Variants in GALNT9 observed in about 807,000 individuals in gnomAD.
GALNT9 encodes the protein polypeptide N-acetylgalactosaminyltransferase 9.
Under a neutral mutation model 63.1 loss-of-function variants are expected in GALNT9, and 47 were observed. The observed-to-expected ratio is 0.75, with a 90% CI of 0.59 to 0.95. The LOEUF is 0.95. Among genes scored for constraint, GALNT9 ranks in the 40% least tolerant of loss-of-function variants. GALNT9 has a pLI of 0.00. For missense variants in GALNT9, 829 were observed against 874.8 expected (o/e 0.95, Z 0.66); for synonymous variants, 396 against 365.7 (o/e 1.08, Z -0.94).
At chr12:132,302,229 TACACACAC>T (rs56317485) in intron 1 of GALNT9, among the ~76,000 whole-genome samples, 3,146 of 143,812 alleles carry the variant, frequency 0.022, 37 homozygotes, top group Middle Eastern at 0.093. Flanking sequence ...TAGAAAATTC[TACACACAC>T]ACACACACAC....
At chr12:132,274,823 A>G (rs1228584382) in intron 2 of GALNT9, 1 of 152,804 alleles carries the variant, frequency 6.5e-6, no homozygotes, top group Admixed American at 6.5e-5. Context: ...TGCCACACAC[A>G]AGAACATACC....
At position 132,316,838 on chromosome 12, in the gene GALNT9, GGGT is replaced by G. The variant is rs1298108138; in HGVS notation, c.238+12125_238+12127del. Among the ~76,000 whole-genome samples the G allele has an allele frequency of 6.6e-6, 1 of 151,924 alleles. No individual in the cohort carries two copies. The highest frequency in any genetic ancestry group is 2.4e-5 in the African/African-American group (1 of 41,284). On this transcript the variant is annotated intron_variant, in intron 1 of 10. Coordinates refer to ENST00000328957, the MANE Select transcript of GALNT9 (RefSeq NM_001122636.2). This position sits in a 1 kb window ranked among gnomAD's most constrained non-coding sequence, Gnocchi z 4.3. ...AGGTTTGGCTGTCACACCTGGGGAG[GGGT>G]GGGGCAGCTACCAGCATCTAGTGGT... is the stretch of plus-strand genomic sequence containing the variant.
At chr12:132,260,033 G>GGC (rs1879313362) in intron 4 of GALNT9, among the ~76,000 whole-genome samples, 1 of 9,034 alleles carries the variant, frequency 1.1e-4, no homozygotes, top group Non-Finnish European at 3.8e-4. Context: ...CGCGGGGCCT[G>GGC]CCTGGGTGCA....
intron 1 of GALNT9, among the ~76,000 whole-genome samples, chr12:132,288,889 G>T (rs1405166905): frequency 1.4e-5 from 2 of 146,948 alleles, no homozygotes; most frequent in Non-Finnish European, 3.0e-5. Context: ...GCGTGGTTTC[G>T]GACGGCTGCC....
chr12:132,265,918 C>T lies in GALNT9; in HGVS notation c.420-3293G>A, dbSNP rs1315019774. 6.6e-6 allele frequency among the ~76,000 whole-genome samples: 1 copy of T among 152,238 alleles called. No homozygotes were observed. Among genetic ancestry groups the T allele is most frequent in the South Asian group, 2.1e-4 (1 of 4,834 alleles). ...TGTGTTGGAGCATGTAGGTACTGAG[C>T]ATGTGTGCCAACCACAGGCCTGTCT... is the stretch of plus-strand genomic sequence containing the variant. On this transcript the variant is annotated intron_variant, in intron 2 of 10. Coordinates refer to ENST00000328957, the MANE Select transcript of GALNT9 (RefSeq NM_001122636.2). The surrounding 1 kb of genome is among the most constrained non-coding windows in gnomAD (Gnocchi z 5.3).
intron 6 of GALNT9, among the ~76,000 whole-genome samples, chr12:132,208,258 C>CCT (rs1555234592): frequency 1.3e-5 from 2 of 152,076 alleles, no homozygotes; most frequent in Non-Finnish European, 2.9e-5. Flanking sequence ...CTTGGCCCCC[C>CCT]TCTCAGGGGC....
intron 6 of GALNT9, among the ~76,000 whole-genome samples, chr12:132,237,933 C>T (rs1436481961): frequency 6.6e-6 from 1 of 152,176 alleles, no homozygotes; most frequent in East Asian, 1.9e-4. Flanking sequence ...CCCCTGCTGC[C>T]CTCCAGCTTC....
intron 1 of GALNT9, among the ~76,000 whole-genome samples, chr12:132,287,030 A>C (rs1880618963): frequency 6.8e-6 from 1 of 146,046 alleles, no homozygotes. Flanking sequence ...AATTGTCCAA[A>C]CGCACAGCAG....
At chr12:132,221,006 G>GAGT (rs1295999628) in intron 6 of GALNT9, among the ~76,000 whole-genome samples, 1 of 145,176 alleles carries the variant, frequency 6.9e-6, no homozygotes, top group African/African-American at 2.6e-5. Context: ...GCAGTGAGCT[G>GAGT]AGTTCACACC....
chr12:132,304,607 CCTCACCCGGGCACAG>C, intron 1 of GALNT9, among the ~76,000 whole-genome samples: 1 of 36,910 alleles, frequency 2.7e-5, no homozygotes, highest in Non-Finnish European at 4.5e-5. Context: ...CCGGGCACAG[CCTCACCCGGGCACAG>C]CCTCACCGGG....
Position 132,327,593 on chromosome 12 carries a change from T to G in GALNT9, c.238+1373A>C, listed in dbSNP as rs1869091833. Among the ~76,000 whole-genome samples, 1 of 152,136 alleles carries G rather than the reference T, an allele frequency of 6.6e-6. No homozygotes were observed. The highest frequency in any genetic ancestry group is 2.4e-5 in the African/African-American group (1 of 41,424). On this transcript the variant is annotated intron_variant, in intron 1 of 10. Coordinates refer to ENST00000328957, the MANE Select transcript of GALNT9 (RefSeq NM_001122636.2). This position sits in a 1 kb window ranked among gnomAD's most constrained non-coding sequence, Gnocchi z 4.3. ...GCCGGGCACACCGCCTTCCGGGAGA[T>G]GAATTGCTCTGCCGGGCGGCTGGGC...
At chr12:132,287,214 C>T (rs183622486) in intron 1 of GALNT9, among the ~76,000 whole-genome samples, 1 of 152,290 alleles carries the variant, frequency 6.6e-6, no homozygotes, top group Non-Finnish European at 1.5e-5. Context: ...ATTGGCTCAT[C>T]GACAGTGACA....
At chr12:132,197,391 CA>C (rs1875590790) in intron 10 of GALNT9, 138 bp from the exon 11 acceptor site, 2 of 1,300,326 alleles carry the variant, frequency 1.5e-6, no homozygotes, top group Non-Finnish European at 2.1e-6. Flanking sequence ...AGCATCACAG[CA>C]GCACCCAGGG....
At chr12:132,281,248 G>A (rs998689153) in intron 2 of GALNT9, among the ~76,000 whole-genome samples, 5 of 152,338 alleles carry the variant, frequency 3.3e-5, no homozygotes, top group South Asian at 2.1e-4. Context: ...GCTGTTGCAC[G>A]TGAACAATTC....
In GALNT9 at chr12:132,238,860, C is replaced by A. The variant is rs1243794382; in HGVS notation, c.1077+9050G>T. 2.6e-5 allele frequency among the ~76,000 whole-genome samples: 4 copies of A among 152,198 alleles called. No individual in the cohort carries two copies. The highest frequency in any genetic ancestry group is 9.7e-5 in the African/African-American group (4 of 41,428). ...ACTGCATGAATTTTAACAGGAAACT[C>A]TTTATCACTGCCTTAGGAGAGGACC... On this transcript the variant is annotated intron_variant, in intron 6 of 10. Transcript: ENST00000328957. The surrounding 1 kb of genome is among the most constrained non-coding windows in gnomAD (Gnocchi z 6.5).
intron 6 of GALNT9, among the ~76,000 whole-genome samples, chr12:132,227,373 C>G (rs1308095066): frequency 2.0e-5 from 3 of 152,042 alleles, no homozygotes; most frequent in African/African-American, 7.2e-5. Flanking sequence ...CCCAGCTCCC[C>G]GACCCTGCTG....
At position 132,329,234 on chromosome 12, in the gene GALNT9, G is replaced by C. The variant is rs1555246782; in HGVS notation, c.-31C>G. ...CGGCTGCAGCGGGGGCCTCACCCGC[G>C]GGGCATCCCCAGCATCCCCGCCCGG... On this transcript the variant is annotated 5_prime_UTR_variant, in exon 1 of 11. Coordinates refer to ENST00000328957, the MANE Select transcript of GALNT9 (RefSeq NM_001122636.2). The C allele has an allele frequency of 6.5e-7, 1 of 1,529,106 alleles. No individual in the cohort carries two copies. 94.7% of individuals were successfully genotyped at this position (1,529,106 alleles called of 1,614,324 possible).
Position 132,312,292 on chromosome 12 carries a change from G to A in GALNT9, c.238+16674C>T, listed in dbSNP as rs201129032. Among the ~76,000 whole-genome samples, 3 of 152,250 alleles carry A rather than the reference G, an allele frequency of 2.0e-5. No homozygotes were observed. In the East Asian group the frequency reaches 5.8e-4, roughly 29 times the overall value. On this transcript the variant is annotated intron_variant, in intron 1 of 10. Coordinates refer to ENST00000328957, the MANE Select transcript of GALNT9 (RefSeq NM_001122636.2). ...TATGGGGCCAAAGCAAGGGAGATAG[G>A]GAATGACTGGAAGTATCTGGGGAGA...
intron 5 of GALNT9, among the ~76,000 whole-genome samples, chr12:132,256,268 A>G (rs899960462): frequency 6.6e-6 from 1 of 151,892 alleles, no homozygotes; most frequent in Admixed American, 6.5e-5. Context: ...CTTCCGTGGA[A>G]TTCTGTGTGC....
Sources: gnomAD v4.1 joint callset for allele counts (sites outside exome capture counted in the v4.1 genomes callset) on GRCh38, gnomAD v4.1.1 for gene constraint, Gnocchi (gnomAD v3.1) non-coding constraint, MANE v1.5 for transcripts, NCBI Gene and HGNC (gene_info 2026-07-23, HGNC 2026-07-21) for gene names.